The following NT5DC1 variants were observed in gnomAD, a reference collection of about 807,000 sequenced individuals.
NT5DC1 encodes 5'-nucleotidase domain-containing protein 1.
NT5DC1 carries 42 observed loss-of-function variants against 59.4 expected under a neutral mutation model. The observed-to-expected ratio is 0.71, with a 90% CI of 0.55 to 0.92. The LOEUF (loss-of-function observed/expected upper bound fraction) is 0.92. NT5DC1 is among the 40% of genes least tolerant of loss of function. The pLI, the probability that NT5DC1 is intolerant of heterozygous loss-of-function variation, is 0.00. For synonymous variants in NT5DC1, 172 were observed against 188.1 expected, an observed-to-expected ratio of 0.91 and a Z score of 0.70; for missense variants, 501 against 537.1, an observed-to-expected ratio of 0.93 and a Z score of 0.66.
At chr6:116,229,542 G>C (rs1448027888) in intron 8 of NT5DC1, among the ~76,000 whole-genome samples, 1 of 152,166 alleles carries the variant, frequency 6.6e-6, no homozygotes, top group Non-Finnish European at 1.5e-5. Flanking sequence ...AGTGCTTAAG[G>C]ATGTATGGAG....
intron 6 of NT5DC1, among the ~76,000 whole-genome samples, chr6:116,150,744 G>A (rs1358187041): frequency 6.6e-6 from 1 of 152,144 alleles, no homozygotes; most frequent in African/African-American, 2.4e-5. Context: ...TATTATTGCT[G>A]TCTGTCATAT....
chr6:116,139,705 C>G (rs988560970), intron 6 of NT5DC1, among the ~76,000 whole-genome samples: 6 of 151,918 alleles, frequency 3.9e-5, no homozygotes. Flanking sequence ...AGCTATGGTT[C>G]TTTAGATCTT....
Position 116,163,061 on chromosome 6 carries a change from A to C in NT5DC1, c.529+45116A>C, listed in dbSNP as rs548655019. Reference sequence around the variant, plus strand: ...AGAATGGCGTGAACCCGGGAGGTGGAGCTTGCAGTGAGCCGAGATCGTGCC... The same window carrying C: ...AGAATGGCGTGAACCCGGGAGGTGGCGCTTGCAGTGAGCCGAGATCGTGCC... On this transcript the variant is annotated intron_variant, in intron 6 of 11. Transcript: ENST00000319550. 6.4e-4 allele frequency among the ~76,000 whole-genome samples: 93 copies of C among 146,326 alleles called. 2 individuals carry two copies. The East Asian group carries it at 9.1e-3, about 14-fold the overall frequency.
intron 6 of NT5DC1, among the ~76,000 whole-genome samples, chr6:116,160,314 TGGTATGAGATGGCATCTCA>T (rs1780297930): frequency 6.6e-6 from 1 of 152,192 alleles, no homozygotes; most frequent in Non-Finnish European, 1.5e-5. Flanking sequence ...CTATTCTGAC[TGGTATGAGATGGCATCTCA>T]CTGTGGTTTT....
At chr6:116,178,365 T>G (rs1004764534) in intron 6 of NT5DC1, among the ~76,000 whole-genome samples, 4 of 152,150 alleles carry the variant, frequency 2.6e-5, no homozygotes, top group African/African-American at 9.7e-5. Context: ...ACTCTTTAAC[T>G]TGAAGTCAGC....
chr6:116,166,070 A>G (rs1582847338), intron 6 of NT5DC1, among the ~76,000 whole-genome samples: 1 of 152,048 alleles, frequency 6.6e-6, no homozygotes. Flanking sequence ...CTCCCTGACA[A>G]TTTGGCAGTC....
intron 6 of NT5DC1, among the ~76,000 whole-genome samples, chr6:116,206,618 C>G (rs1032441342): frequency 3.9e-5 from 6 of 152,002 alleles, no homozygotes; most frequent in African/African-American, 1.4e-4. Flanking sequence ...ACAGCTGTTT[C>G]TTAATGAAGT....
At chr6:116,193,931 G>A (rs1292277853) in intron 6 of NT5DC1, among the ~76,000 whole-genome samples, 1 of 151,946 alleles carries the variant, frequency 6.6e-6, no homozygotes, top group South Asian at 2.1e-4. Context: ...AGATGTGGTG[G>A]CATGTATCTG....
intron 6 of NT5DC1, among the ~76,000 whole-genome samples, chr6:116,197,220 T>C (rs1240976234): frequency 1.3e-5 from 2 of 152,012 alleles, no homozygotes; most frequent in South Asian, 2.1e-4. Context: ...GCCACGGATC[T>C]GCTTTGCCTG....
intron 6 of NT5DC1, among the ~76,000 whole-genome samples, chr6:116,200,180 G>A (rs1000113914): frequency 1.3e-5 from 2 of 151,898 alleles, no homozygotes. Context: ...GAAAAAGTCA[G>A]ACAAATCCCA....
intron 6 of NT5DC1, among the ~76,000 whole-genome samples, chr6:116,188,609 T>G (rs1781052871): frequency 6.6e-6 from 1 of 151,904 alleles, no homozygotes; most frequent in Non-Finnish European, 1.5e-5. Flanking sequence ...AATTAGGTAG[T>G]AAAGCCAGAA....
chr6:116,147,137 TTAAAGA>T (rs1364132056), intron 6 of NT5DC1, among the ~76,000 whole-genome samples: 1 of 150,760 alleles, frequency 6.6e-6, no homozygotes, highest in Non-Finnish European at 1.5e-5. Context: ...ACAAGTAAAG[TTAAAGA>T]TAAATGACAA....
chr6:116,119,270 A>G (rs1180222679), intron 6 of NT5DC1: 2 of 152,646 alleles, frequency 1.3e-5, no homozygotes, highest in Non-Finnish European at 2.9e-5. Context: ...ATCATATCAC[A>G]TAAGATTCAA....
chr6:116,141,885 A>AACACACACACAC lies in NT5DC1; in HGVS notation c.529+23971_529+23982dup, dbSNP rs3051942. The stretch of plus-strand genomic sequence containing the variant: ...GTAAAAGATTTTCTGCCAAAAAGAA[A>AACACACACACAC]ACACACACACACACACACACACACA... On this transcript the variant is annotated intron_variant, in intron 6 of 11. Coordinates refer to ENST00000319550, the MANE Select transcript of NT5DC1 (RefSeq NM_152729.3). 2.1e-3 allele frequency among the ~76,000 whole-genome samples: 293 copies of AACACACACACAC among 140,398 alleles called. 3 individuals carry two copies. The highest frequency in any genetic ancestry group is 7.4e-3 in the African/African-American group (276 of 37,468). The allele number at this position is 140,398 out of a possible 152,430, so 92.1% of individuals were successfully genotyped here. A position where few individuals can be genotyped will look rare whatever the true frequency, so the allele number is the denominator to read the frequency against.
intron 6 of NT5DC1, among the ~76,000 whole-genome samples, chr6:116,216,821 A>G (rs1454318639): frequency 6.6e-6 from 1 of 152,212 alleles, no homozygotes; most frequent in African/African-American, 2.4e-5. Flanking sequence ...TCTTTTAAGA[A>G]AATTAATTAT....
chr6:116,120,590 G>T (rs1298063802), intron 6 of NT5DC1: 1 of 1,587,474 alleles, frequency 6.3e-7, no homozygotes, highest in South Asian at 1.2e-5. Context: ...AGGCCCAGGG[G>T]GCCCTGGAAG....
Position 116,184,124 on chromosome 6 carries a change from T to C in NT5DC1, c.530-36930T>C, listed in dbSNP as rs185944508. On this transcript the variant is annotated intron_variant, in intron 6 of 11. Transcript: ENST00000319550. ...TTAATCATAAAGAGATGCTGGATCT[T>C]GTCAGCTGCCTTTTCTGCATCTATT... 1.9e-3 allele frequency among the ~76,000 whole-genome samples: 282 copies of C among 152,232 alleles called. 1 individual carries two copies. The highest frequency in any genetic ancestry group is 5.9e-3 in the African/African-American group (244 of 41,550).
chr6:116,238,929 T>C, intron 10 of NT5DC1, 26 bp from the exon 11 acceptor site: 2 of 1,427,104 alleles, frequency 1.4e-6, no homozygotes, highest in South Asian at 2.4e-5. Flanking sequence ...AATCACCATT[T>C]TAATTATTCT....
intron 6 of NT5DC1, chr6:116,121,194 C>T (rs1368764774): frequency 6.2e-7 from 1 of 1,613,408 alleles, no homozygotes; most frequent in Non-Finnish European, 8.5e-7. Flanking sequence ...CCTCTTTCTC[C>T]CTTCAGGCCT....
Sources: gnomAD v4.1 joint callset for allele counts (sites outside exome capture counted in the v4.1 genomes callset) on GRCh38, gnomAD v4.1.1 for gene constraint, MANE v1.5 for transcripts, NCBI Gene and HGNC (gene_info 2026-07-23, HGNC 2026-07-21) for gene names.